ITPR1: variants seen among roughly 807,000 people sequenced by gnomAD.
The protein encoded by ITPR1 is inositol 1,4,5-trisphosphate receptor type 1, also known as inositol 1,4,5-trisphosphate-gated calcium channel ITPR1.
Under a neutral mutation model 318.4 loss-of-function variants are expected in ITPR1, and 96 were observed. The observed-to-expected ratio is 0.30, with a 90% CI of 0.26 to 0.36. The LOEUF (loss-of-function observed/expected upper bound fraction) is 0.36. Among genes scored for constraint, ITPR1 ranks in the 10% least tolerant of loss-of-function variants. ITPR1 has a pLI of 1.00. For synonymous variants in ITPR1, 1,312 were observed against 1,289.9 expected, an observed-to-expected ratio of 1.02 and a Z score of -0.37; for missense variants, 2,440 against 3,460.2, an observed-to-expected ratio of 0.71 and a Z score of 7.40.
At chr3:4,781,627 A>T (rs1249194457) in intron 49 of ITPR1, among the ~76,000 whole-genome samples, 1 of 152,192 alleles carries the variant, frequency 6.6e-6, no homozygotes, top group Admixed American at 6.5e-5. Context: ...ATCCCAGCTC[A>T]CCACCTGTGA....
intron 35 of ITPR1, 81 bp downstream of exon 35, chr3:4,700,022 AT>A: frequency 7.8e-7 from 1 of 1,283,124 alleles, no homozygotes; most frequent in Admixed American, 1.8e-5. Context: ...GGAGTAAGCA[AT>A]TGTAAATGAA....
chr3:4,743,491 C>T lies in ITPR1; in HGVS notation c.5544+8137C>T, dbSNP rs143748638. Among the ~76,000 whole-genome samples the T allele has an allele frequency of 2.3e-3, 352 of 152,282 alleles. 1 individual carries two copies. Among genetic ancestry groups the T allele is most frequent in the African/African-American group, 8.0e-3 (333 of 41,554 alleles). On this transcript the variant is annotated intron_variant, in intron 44 of 61. Coordinates refer to ENST00000649015, the MANE Select transcript of ITPR1 (RefSeq NM_001378452.1). Reference sequence around the variant, plus strand: ...TGGCATTCAGTTTCCCAGTTCGGGGCAAGAAATTACTGCAAGACTTGTCAG... The same window carrying T: ...TGGCATTCAGTTTCCCAGTTCGGGGTAAGAAATTACTGCAAGACTTGTCAG...
At chr3:4,817,179 C>G (rs10865950) in intron 59 of ITPR1, among the ~76,000 whole-genome samples, 97,341 of 152,062 alleles carry the variant, frequency 0.64, 31,403 homozygotes, top group Middle Eastern at 0.75. Context: ...TGTACATTTC[C>G]TGAGCCATCC....
At chr3:4,715,065 T>C (rs1173475611) in intron 39 of ITPR1, among the ~76,000 whole-genome samples, 1 of 152,252 alleles carries the variant, frequency 6.6e-6, no homozygotes, top group Non-Finnish European at 1.5e-5. Context: ...ATACCACTAT[T>C]GTCATTAACT....
intron 4 of ITPR1, among the ~76,000 whole-genome samples, chr3:4,525,361 G>C (rs980889352): frequency 6.6e-6 from 1 of 152,082 alleles, no homozygotes; most frequent in Non-Finnish European, 1.5e-5. Flanking sequence ...GTTCAACATC[G>C]AACAGAAGAT....
At position 4,658,282 on chromosome 3, in the gene ITPR1, T is replaced by C. The variant is rs1443027587; in HGVS notation, c.1151+4T>C. ...GAGGTGACAGCCTTGTCCCAAGGTA[T>C]CATTTTAAAATTGCTTTTCCCCAAA... On this transcript the variant is annotated splice_donor_region_variant and intron_variant, in intron 13 of 61. Coordinates refer to ENST00000649015, the MANE Select transcript of ITPR1 (RefSeq NM_001378452.1). The C allele has an allele frequency of 1.2e-6, 2 of 1,601,790 alleles. No individual in the cohort carries two copies. The highest frequency in any genetic ancestry group is 8.5e-7 in the Non-Finnish European group (1 of 1,171,034).
chr3:4,624,837 T>C (rs1342960738), intron 4 of ITPR1, among the ~76,000 whole-genome samples: 1 of 152,192 alleles, frequency 6.6e-6, no homozygotes, highest in Non-Finnish European at 1.5e-5. Context: ...TACTGTCTCC[T>C]GGTCATGTAT....
chr3:4,627,157 A>G (rs1334177365), intron 4 of ITPR1, among the ~76,000 whole-genome samples: 1 of 144,308 alleles, frequency 6.9e-6, no homozygotes, highest in Non-Finnish European at 1.5e-5. Context: ...TACTGAAGAG[A>G]GTTGGATTTG....
chr3:4,731,933 T>C (rs1048660189), intron 42 of ITPR1, among the ~76,000 whole-genome samples: 6 of 152,246 alleles, frequency 3.9e-5, no homozygotes, highest in Non-Finnish European at 7.3e-5. Context: ...GTCTCTGTTT[T>C]AGAGACCTGC....
intron 24 of ITPR1, among the ~76,000 whole-genome samples, chr3:4,677,331 A>C (rs1380106237): frequency 6.6e-6 from 1 of 152,230 alleles, no homozygotes; most frequent in Non-Finnish European, 1.5e-5. Flanking sequence ...GCATGTATTA[A>C]GAATAAGTGC....
intron 42 of ITPR1, among the ~76,000 whole-genome samples, chr3:4,730,696 A>G (rs927758655): frequency 6.6e-6 from 1 of 152,196 alleles, no homozygotes; most frequent in Non-Finnish European, 1.5e-5. Context: ...GAAGGGGGGA[A>G]GAAAAAAGCC....
intron 5 of ITPR1, among the ~76,000 whole-genome samples, chr3:4,630,538 T>TA (rs1432290216): frequency 6.8e-6 from 1 of 147,080 alleles, no homozygotes; most frequent in African/African-American, 2.5e-5. Context: ...TAAAGTTTTT[T>TA]TTTTACTATT....
At chr3:4,579,049 T>C (rs2089009573) in intron 4 of ITPR1, among the ~76,000 whole-genome samples, 1 of 152,230 alleles carries the variant, frequency 6.6e-6, no homozygotes, top group East Asian at 1.9e-4. Context: ...GTGAACATTC[T>C]GATACAAAGA....
intron 2 of ITPR1, 53 bp downstream of exon 2, chr3:4,494,559 C>G (rs2080401583): frequency 6.6e-6 from 1 of 152,110 alleles, no homozygotes; most frequent in Non-Finnish European, 1.5e-5. Flanking sequence ...TGTCCTAAGC[C>G]TATTTTAAGT....
intron 4 of ITPR1, among the ~76,000 whole-genome samples, chr3:4,523,903 C>T (rs557447639): frequency 2.4e-4 from 37 of 152,256 alleles, no homozygotes; most frequent in African/African-American, 7.7e-4. Context: ...TTTGAGATAA[C>T]GGTAATAGTC....
intron 4 of ITPR1, among the ~76,000 whole-genome samples, chr3:4,536,213 T>G (rs1397116405): frequency 6.6e-6 from 1 of 152,268 alleles, no homozygotes; most frequent in African/African-American, 2.4e-5. Flanking sequence ...CTCTGGGTTT[T>G]CTTGAACTTC....
intron 30 of ITPR1, 100 bp from the exon 31 acceptor site, chr3:4,688,395 A>C: frequency 6.9e-7 from 1 of 1,458,870 alleles, no homozygotes; most frequent in Non-Finnish European, 9.4e-7. Context: ...GTCCCCAGCA[A>C]ACACCTTCTG....
chr3:4,806,061 G>T, intron 54 of ITPR1, 42 bp from the exon 55 acceptor site: 2 of 1,554,064 alleles, frequency 1.3e-6, no homozygotes, highest in Non-Finnish European at 1.8e-6. Flanking sequence ...GAAGAGTTTG[G>T]CACAGTCCGT....
Position 4,547,803 on chromosome 3 carries a change from C to T in ITPR1, c.163+26709C>T, listed in dbSNP as rs6775645. 1.3e-3 allele frequency among the ~76,000 whole-genome samples: 204 copies of T among 152,304 alleles called. 2 individuals carry two copies. Among genetic ancestry groups the T allele is most frequent in the African/African-American group, 4.5e-3 (187 of 41,550 alleles). On this transcript the variant is annotated intron_variant, in intron 4 of 61. Coordinates refer to ENST00000649015, the MANE Select transcript of ITPR1 (RefSeq NM_001378452.1). Reference sequence around the variant, plus strand: ...ACATCAAAACCACCCTTGCCCTTCCCTCCTCAGGACTTAGTGGGTGATAGG... The same window carrying T: ...ACATCAAAACCACCCTTGCCCTTCCTTCCTCAGGACTTAGTGGGTGATAGG...
Sources: gnomAD v4.1 joint callset for allele counts (sites outside exome capture counted in the v4.1 genomes callset) on GRCh38, gnomAD v4.1.1 for gene constraint, MANE v1.5 for transcripts, NCBI Gene and HGNC (gene_info 2026-07-23, HGNC 2026-07-21) for gene names.